Variants in PCDHA3 observed in about 807,000 individuals in gnomAD.
PCDHA3 encodes protocadherin alpha-3.
PCDHA3 carries 41 observed loss-of-function variants against 62.2 expected under a neutral mutation model. That is an observed-to-expected ratio of 0.66 (90% CI 0.51 to 0.86). The LOEUF (loss-of-function observed/expected upper bound fraction) is 0.86. PCDHA3 is among the 40% of genes least tolerant of loss of function. The probability of loss-of-function intolerance (pLI) is 0.00; values close to 1 mark genes in which losing one functional copy is unlikely to be tolerated. For missense variants in PCDHA3, 1,304 were observed against 1,241.2 expected (o/e 1.05, Z -0.76); for synonymous variants, 640 against 555.4 (o/e 1.15, Z -2.14).
chr5:140,916,475 C>T (rs2077583115), intron 1 of PCDHA3, among the ~76,000 whole-genome samples: 1 of 152,206 alleles, frequency 6.6e-6, no homozygotes, highest in South Asian at 2.1e-4. Flanking sequence ...TTATTTGGTG[C>T]CCAAGGGCTC....
chr5:140,876,269 C>T, intron 1 of PCDHA3: 2 of 1,614,036 alleles, frequency 1.2e-6, no homozygotes, highest in Non-Finnish European at 1.7e-6. Flanking sequence ...CAACTAAATG[C>T]TTCCGATCCA....
At chr5:140,945,190 G>A (rs1372387920) in intron 1 of PCDHA3, among the ~76,000 whole-genome samples, 1 of 152,000 alleles carries the variant, frequency 6.6e-6, no homozygotes, top group Non-Finnish European at 1.5e-5. Flanking sequence ...AGAAAACCAT[G>A]CTATTTACAA....
intron 1 of PCDHA3, among the ~76,000 whole-genome samples, chr5:140,961,629 A>G (rs970820292): frequency 6.6e-6 from 1 of 152,162 alleles, no homozygotes; most frequent in Non-Finnish European, 1.5e-5. Flanking sequence ...CATATGAAAA[A>G]CAATCTTAAG....
chr5:140,928,291 G>A (rs62384489), intron 1 of PCDHA3: 1 of 1,614,142 alleles, frequency 6.2e-7, no homozygotes, highest in Non-Finnish European at 8.5e-7. Context: ...TCTAGGCCGA[G>A]TGTTTGCCCA....
chr5:140,943,617 T>A (rs2093532711), intron 1 of PCDHA3, among the ~76,000 whole-genome samples: 1 of 152,208 alleles, frequency 6.6e-6, no homozygotes, highest in Non-Finnish European at 1.5e-5. Context: ...TTGATTCATC[T>A]GCATAAGGAA....
At position 140,912,253 on chromosome 5, in the gene PCDHA3, G is replaced by A. The variant is rs531201374; in HGVS notation, c.2395-66696G>A. Among the ~76,000 whole-genome samples the A allele has an allele frequency of 4.8e-4, 73 of 152,064 alleles. 1 individual carries two copies. The highest frequency in any genetic ancestry group is 1.5e-3 in the South Asian group (7 of 4,810). ...ACTGACTCAAATGTTAATCTCCTTTGATGACACCCTCACAGATATACCCAG... is the reference window on the plus strand; with the variant it reads ...ACTGACTCAAATGTTAATCTCCTTTAATGACACCCTCACAGATATACCCAG... On this transcript the variant is annotated intron_variant, in intron 1 of 3. Coordinates refer to ENST00000522353, the MANE Select transcript of PCDHA3 (RefSeq NM_018906.3).
intron 1 of PCDHA3, chr5:140,869,765 A>C (rs376277801): frequency 1.9e-6 from 3 of 1,613,164 alleles, no homozygotes; most frequent in African/African-American, 2.7e-5. Flanking sequence ...GGAAAACCAG[A>C]GCTTACTGGC....
At chr5:140,876,048 T>G in intron 1 of PCDHA3, 1 of 1,613,930 alleles carries the variant, frequency 6.2e-7, no homozygotes, top group Non-Finnish European at 8.5e-7. Context: ...GTATATTGCC[T>G]GAATTAGTTC....
intron 1 of PCDHA3, among the ~76,000 whole-genome samples, chr5:140,950,831 TTAAGAC>T (rs1337916001): frequency 6.6e-6 from 1 of 152,128 alleles, no homozygotes; most frequent in Non-Finnish European, 1.5e-5. Flanking sequence ...GTTTGGTCCT[TTAAGAC>T]TATACATTTC....
chr5:141,002,128 C>T (rs1426506599), intron 3 of PCDHA3, among the ~76,000 whole-genome samples: 1 of 152,244 alleles, frequency 6.6e-6, no homozygotes, highest in African/African-American at 2.4e-5. Context: ...ATTTAATAGC[C>T]TTTGCCGGCT....
chr5:140,850,267 T>C, intron 1 of PCDHA3: 1 of 1,592,602 alleles, frequency 6.3e-7, no homozygotes, highest in Non-Finnish European at 8.6e-7. Flanking sequence ...GGCGTAGTGG[T>C]GGGGAAGGTG....
chr5:140,886,843 A>G (rs1247447766), intron 1 of PCDHA3, among the ~76,000 whole-genome samples: 8 of 150,852 alleles, frequency 5.3e-5, no homozygotes, highest in African/African-American at 1.5e-4. Flanking sequence ...AAAAAAAAAA[A>G]AAAAGAAAGG....
intron 1 of PCDHA3, chr5:140,858,050 C>G: frequency 6.3e-7 from 1 of 1,597,552 alleles, no homozygotes; most frequent in Non-Finnish European, 8.6e-7. Flanking sequence ...GCTTGTGTCG[C>G]TTGTGGAGGG....
intron 3 of PCDHA3, among the ~76,000 whole-genome samples, chr5:141,007,792 C>A (rs2098346636): frequency 6.6e-6 from 1 of 152,166 alleles, no homozygotes. Flanking sequence ...TACAAATTAG[C>A]CTTTATCTGC....
At position 140,982,704 on chromosome 5, in the gene PCDHA3, C is replaced by T. The variant is rs1393323812; in HGVS notation, c.2542+141C>T. ...CTTTTTTCCATACATACATGATTTCCTTACATATATGATTATTTTGATTTT... is the reference window on the plus strand; with the variant it reads ...CTTTTTTCCATACATACATGATTTCTTTACATATATGATTATTTTGATTTT... On this transcript the variant is annotated intron_variant, in intron 3 of 3. Coordinates refer to ENST00000522353, the MANE Select transcript of PCDHA3 (RefSeq NM_018906.3). 8 of 1,377,410 alleles carry T rather than the reference C, an allele frequency of 5.8e-6. No homozygotes were observed. In the African/African-American group the frequency reaches 1.2e-4, roughly 20 times the overall value. The allele number at this position is 1,377,410 out of a possible 1,614,324, so 85.3% of individuals were successfully genotyped here. A position where few individuals can be genotyped will look rare whatever the true frequency, so the allele number is the denominator to read the frequency against.
intron 1 of PCDHA3, chr5:140,849,056 G>T: frequency 6.4e-7 from 1 of 1,554,944 alleles, no homozygotes; most frequent in South Asian, 1.1e-5. Context: ...CCAGCAACCA[G>T]CAGGTAAAAC....
At chr5:140,829,077 C>T in intron 1 of PCDHA3, 2 of 1,611,602 alleles carry the variant, frequency 1.2e-6, no homozygotes, top group Non-Finnish European at 1.7e-6. Context: ...GGCCATCCTC[C>T]CATGGCGGGT....
intron 1 of PCDHA3, chr5:140,871,619 A>C: frequency 7.1e-7 from 1 of 1,415,536 alleles, no homozygotes; most frequent in Non-Finnish European, 9.4e-7. Context: ...ATTGTTTTAG[A>C]TAACAATGTC....
rs2150356626 is a variant in PCDHA3 at position 140,843,293 on chromosome 5, G to A, written c.2394+39702G>A. ...CCTGGTGAAGGATCATGGTGAACCT[G>A]CGCTGACCGCCACGGCCACGGTTCT... is the stretch of plus-strand genomic sequence containing the variant. On this transcript the variant is annotated intron_variant, in intron 1 of 3. Coordinates refer to ENST00000522353, the MANE Select transcript of PCDHA3 (RefSeq NM_018906.3). The A allele has an allele frequency of 3.8e-6, 6 of 1,595,972 alleles. No homozygotes were observed. In the African/African-American group the frequency reaches 4.0e-5, roughly 11 times the overall value.
Sources: gnomAD v4.1 joint callset for allele counts (sites outside exome capture counted in the v4.1 genomes callset) on GRCh38, gnomAD v4.1.1 for gene constraint, MANE v1.5 for transcripts, NCBI Gene and HGNC (gene_info 2026-07-23, HGNC 2026-07-21) for gene names.